SCAF8: variants seen among roughly 807,000 people sequenced by gnomAD.
SCAF8 encodes the protein SR-related and CTD-associated factor 8.
Under a neutral mutation model 140.5 loss-of-function variants are expected in SCAF8, and 23 were observed. That is an observed-to-expected ratio of 0.16 (90% confidence interval 0.12 to 0.23). SCAF8 has a LOEUF of 0.23. Ranked by LOEUF, SCAF8 falls within the 10% of genes least tolerant of loss-of-function variation. The probability of loss-of-function intolerance (pLI) is 1.00; values close to 1 mark genes in which losing one functional copy is unlikely to be tolerated. For synonymous variants in SCAF8, 575 were observed against 528.9 expected (o/e 1.09, Z -1.20); for missense variants, 1,397 against 1,555.7 (o/e 0.90, Z 1.72).
At chr6:154,807,953 C>T in intron 9 of SCAF8, 117 bp from the exon 10 acceptor site, 1 of 838,166 alleles carries the variant, frequency 1.2e-6, no homozygotes, top group South Asian at 2.5e-5. Flanking sequence ...CATGGAATTT[C>T]TTTTATGTAT....
Position 154,832,388 on chromosome 6 carries a change from C to T in SCAF8, c.2809C>T (p.Pro937Ser), listed in dbSNP as rs772015333. ...GGGACTAATACCACAGGCACCTGGG[C>T]CAAGATTCCCTTTAATACAGCCTGG... is the stretch of plus-strand genomic sequence containing the variant. Reference protein sequence around the residue: ...RPGLIPQAPGPRFPLIQPGIP... With the variant: ...RPGLIPQAPGSRFPLIQPGIP... The change falls in exon 20 of 20, where the codon CCA becomes TCA. Residue 937 changes from proline to serine, a missense_variant. Around this residue, in one of 5 missense-constraint regions of SCAF8, gnomAD observed 930 missense variants for 874.6 expected, o/e 1.06. Coordinates refer to ENST00000367178, the MANE Select transcript of SCAF8 (RefSeq NM_014892.5). The T allele has an allele frequency of 2.6e-5, 42 of 1,613,932 alleles. No homozygotes were observed. The highest frequency in any genetic ancestry group is 1.3e-4 in the South Asian group (12 of 91,084).
chr6:154,784,183 G>C (rs996004085), intron 3 of SCAF8, among the ~76,000 whole-genome samples: 1 of 133,568 alleles, frequency 7.5e-6, no homozygotes, highest in Non-Finnish European at 1.6e-5. Context: ...TTCATGTAGG[G>C]TGCAGTATTC....
intron 12 of SCAF8, 22 bp downstream of exon 12, chr6:154,810,230 C>A: frequency 6.6e-7 from 1 of 1,506,008 alleles, no homozygotes. Flanking sequence ...ATATCTGCAA[C>A]GCTTTGGTTT....
chr6:154,786,892 C>G (rs1041304068), intron 3 of SCAF8, among the ~76,000 whole-genome samples: 2 of 152,176 alleles, frequency 1.3e-5, no homozygotes, highest in Admixed American at 6.5e-5. Context: ...TACTAAAGAA[C>G]TTTTTTTGCC....
chr6:154,733,687 C>A lies in SCAF8; in HGVS notation c.-214C>A, dbSNP rs555139158. 3 of 1,312,628 alleles carry A rather than the reference C, an allele frequency of 2.3e-6. No homozygotes were observed. Among genetic ancestry groups the A allele is most frequent in the Non-Finnish European group, 2.9e-6 (3 of 1,035,090 alleles). 81.3% of individuals were successfully genotyped at this position (1,312,628 alleles called of 1,614,324 possible). A position where few individuals can be genotyped will look rare whatever the true frequency, so the allele number is the denominator to read the frequency against. ...CTGTTCCCTAGAACGGCGCTCCCCC[C>A]GCCCTAGCGGCCATGCCGGTGCCGC... On this transcript the variant is annotated 5_prime_UTR_variant, in exon 1 of 20. Coordinates refer to ENST00000367178, the MANE Select transcript of SCAF8 (RefSeq NM_014892.5).
chr6:154,777,719 G>T (rs1224544925), intron 2 of SCAF8, among the ~76,000 whole-genome samples: 2 of 152,174 alleles, frequency 1.3e-5, no homozygotes, highest in Admixed American at 1.3e-4. Flanking sequence ...GTTTGTTAAA[G>T]TATGCTTTCA....
chr6:154,754,553 T>A (rs1251692574), intron 1 of SCAF8, among the ~76,000 whole-genome samples: 2 of 152,226 alleles, frequency 1.3e-5, no homozygotes, highest in African/African-American at 2.4e-5. Context: ...TAAATATCAA[T>A]CTTATCAGGC....
Position 154,833,210 on chromosome 6 carries a change from G to A in SCAF8, c.3631G>A (p.Val1211Met). The part of the protein sequence containing the change: ...GATSQRKGDN[V>M]PQVNGENTER... ...CACTTCTCAACGAAAAGGTGATAAT[G>A]TGCCTCAGGTTAATGGTGAAAATAC... The change falls in exon 20 of 20, where the codon GTG becomes ATG. Residue 1211 changes from valine (V) to methionine (M), a missense_variant. This residue lies in a region of SCAF8 where 930 missense variants were observed against 874.6 expected (regional missense o/e 1.06). Coordinates refer to ENST00000367178, the MANE Select transcript of SCAF8 (RefSeq NM_014892.5). 9.9e-6 allele frequency: 16 copies of A among 1,614,082 alleles called. No homozygotes were observed. Among genetic ancestry groups the A allele is most frequent in the African/African-American group, 1.3e-5 (1 of 75,042 alleles).
intron 1 of SCAF8, among the ~76,000 whole-genome samples, chr6:154,741,759 T>C (rs538065971): frequency 9.9e-5 from 15 of 152,284 alleles, no homozygotes; most frequent in Non-Finnish European, 1.9e-4. Flanking sequence ...AGTGATAGTA[T>C]TACTAGTTGT....
chr6:154,811,072 G>T (rs767882631), intron 12 of SCAF8, among the ~76,000 whole-genome samples: 1 of 152,170 alleles, frequency 6.6e-6, no homozygotes, highest in Non-Finnish European at 1.5e-5. Flanking sequence ...GGGAGTTCTT[G>T]TAGGCCTTGG....
rs186209212 is a variant in SCAF8, at chr6:154,779,088, A to G, written c.159+1043A>G. 3.6e-3 allele frequency among the ~76,000 whole-genome samples: 553 copies of G among 152,230 alleles called. 4 individuals are homozygous for G. Among genetic ancestry groups the G allele is most frequent in the African/African-American group, 0.013 (527 of 41,546 alleles). On this transcript the variant is annotated intron_variant, in intron 3 of 19. Coordinates refer to ENST00000367178, the MANE Select transcript of SCAF8 (RefSeq NM_014892.5). ...CACTCTGTCGCCCAAGCTGGAGTGC[A>G]GTATCAAGATTTCGGCTCACTGCAA...
intron 13 of SCAF8, among the ~76,000 whole-genome samples, chr6:154,816,496 T>C (rs1778253532): frequency 7.7e-6 from 1 of 130,284 alleles, no homozygotes; most frequent in Non-Finnish European, 1.6e-5. Flanking sequence ...ATTGTTCTTT[T>C]ATTTAAAAAT....
chr6:154,806,803 A>C (rs1233158957), intron 9 of SCAF8, among the ~76,000 whole-genome samples: 3 of 133,878 alleles, frequency 2.2e-5, no homozygotes, highest in Non-Finnish European at 3.6e-5. Flanking sequence ...TGGCCAGAGT[A>C]GGGGCAGTAT....
At position 154,825,032 on chromosome 6, in the gene SCAF8, CTAA is replaced by C. The variant is rs1382555214; in HGVS notation, c.2071+659_2071+661del. The C allele has an allele frequency of 2.0e-5, 3 of 152,030 alleles. No individual in the cohort carries two copies. The East Asian group carries it at 5.8e-4, about 29-fold the overall frequency. 9.4% of individuals were successfully genotyped at this position (152,030 alleles called of 1,614,324 possible). A position where few individuals can be genotyped will look rare whatever the true frequency, so the allele number is the denominator to read the frequency against. ...ATTGCAGTTTTTATATGAAAGTTCT[CTAA>C]TAATTATCAGCATTTCATCAGAAAA... On this transcript the variant is annotated intron_variant, in intron 17 of 19. Coordinates refer to ENST00000367178, the MANE Select transcript of SCAF8 (RefSeq NM_014892.5).
intron 12 of SCAF8, among the ~76,000 whole-genome samples, chr6:154,813,452 G>A (rs1235367359): frequency 1.3e-5 from 2 of 152,086 alleles, no homozygotes; most frequent in Admixed American, 1.3e-4. Flanking sequence ...AATCCAGGGA[G>A]TAGGAGGCTG....
chr6:154,815,929 T>C, intron 13 of SCAF8, 113 bp downstream of exon 13: 1 of 543,022 alleles, frequency 1.8e-6, no homozygotes, highest in Non-Finnish European at 3.4e-6. Flanking sequence ...ATAATACACA[T>C]CTTTAAAAGG....
intron 15 of SCAF8, among the ~76,000 whole-genome samples, chr6:154,821,982 T>TA (rs1420786537): frequency 6.6e-6 from 1 of 152,226 alleles, no homozygotes; most frequent in African/African-American, 2.4e-5. Context: ...TAGTTCCTCT[T>TA]ACATCAGCCA....
At chr6:154,736,634 A>G (rs73581029) in intron 1 of SCAF8, among the ~76,000 whole-genome samples, 1,960 of 152,280 alleles carry the variant, frequency 0.013, 48 homozygotes, top group African/African-American at 0.045. Context: ...TTAGTGCACT[A>G]TGGTTGGTCA....
intron 12 of SCAF8, among the ~76,000 whole-genome samples, chr6:154,814,331 G>A (rs1235116414): frequency 6.6e-6 from 1 of 152,144 alleles, no homozygotes; most frequent in Non-Finnish European, 1.5e-5. Flanking sequence ...ACAAACAAAC[G>A]AAAAACAAAC....
Sources: gnomAD v4.1 joint callset for allele counts (sites outside exome capture counted in the v4.1 genomes callset) on GRCh38, gnomAD v4.1.1 for gene constraint, gnomAD v4.1.1 regional missense constraint, MANE v1.5 for transcripts, NCBI Gene and HGNC (gene_info 2026-07-23, HGNC 2026-07-21) for gene names.